Variants in ACAD9 observed in about 807,000 individuals in gnomAD.
ACAD9 encodes complex I assembly factor ACAD9, mitochondrial.
Under a neutral mutation model 70.2 loss-of-function variants are expected in ACAD9, and 53 were observed. The observed-to-expected ratio is 0.75, with a 90% CI of 0.61 to 0.95. The LOEUF is 0.95. Among genes scored for constraint, ACAD9 ranks in the 40% least tolerant of loss-of-function variants. The pLI, the probability that ACAD9 is intolerant of heterozygous loss-of-function variation, is 0.00. For synonymous variants in ACAD9, 313 were observed against 312.1 expected, an observed-to-expected ratio of 1.00 and a Z score of -0.03; for missense variants, 777 against 802.8, an observed-to-expected ratio of 0.97 and a Z score of 0.39.
intron 1 of ACAD9, among the ~76,000 whole-genome samples, chr3:128,883,082 T>C (rs1303433787): frequency 6.6e-6 from 1 of 151,610 alleles, no homozygotes; most frequent in Non-Finnish European, 1.5e-5. Flanking sequence ...TGTTTTTTTT[T>C]TTTTTTCTTG....
chr3:128,906,318 A>G (rs898137095), intron 12 of ACAD9, 69 bp downstream of exon 12: 14 of 1,567,970 alleles, frequency 8.9e-6, no homozygotes, highest in Admixed American at 5.1e-5. Flanking sequence ...GATGCTGCTC[A>G]GGGCCTCGCA....
At chr3:128,909,302 G>A (rs1197542217) in intron 14 of ACAD9, 42 bp from the exon 15 acceptor site, 8 of 1,610,154 alleles carry the variant, frequency 5.0e-6, no homozygotes, top group Non-Finnish European at 5.9e-6. Context: ...ACAGGGCACT[G>A]TAGGGATGAG....
At position 128,899,438 on chromosome 3, in the gene ACAD9, A is replaced by T; in HGVS notation, c.785A>T (p.Lys262Ile). 1 of 1,614,072 alleles carries T rather than the reference A, an allele frequency of 6.2e-7. No individual in the cohort carries two copies. The highest frequency in any genetic ancestry group is 8.5e-7 in the Non-Finnish European group (1 of 1,179,998). Residue 262 changes from lysine to isoleucine, a missense_variant, in exon 7 of 18, where the codon AAA (lysine) becomes ATA (isoleucine). Physicochemically the swap from Lys to Ile is moderately radical, Grantham distance 102 (BLOSUM62 -3). Transcript: ENST00000308982. Reference sequence around the variant, plus strand: ...GTCACTAATGGGAAACCCGAAGATAAATTAGGCATTCGGGGCTCCAACAGT... The same window carrying T: ...GTCACTAATGGGAAACCCGAAGATATATTAGGCATTCGGGGCTCCAACAGT... ...GGVTNGKPED[K>I]LGIRGSNTCE...
At chr3:128,897,472 A>G (rs1935599769) in intron 5 of ACAD9, among the ~76,000 whole-genome samples, 160 bp from the exon 6 acceptor site, 1 of 152,236 alleles carries the variant, frequency 6.6e-6, no homozygotes, top group Non-Finnish European at 1.5e-5. Context: ...GAGGTGAGAC[A>G]GACATCCTGC....
intron 2 of ACAD9, among the ~76,000 whole-genome samples, chr3:128,886,234 C>T (rs1214304239): frequency 6.6e-6 from 1 of 150,874 alleles, no homozygotes; most frequent in Non-Finnish European, 1.5e-5. Context: ...TCCCAAGTAT[C>T]TGGGACTGCA....
intron 11 of ACAD9, among the ~76,000 whole-genome samples, chr3:128,905,755 T>C (rs994355563): frequency 6.6e-6 from 1 of 152,178 alleles, no homozygotes; most frequent in African/African-American, 2.4e-5. Context: ...CATGGCAGTA[T>C]GTTTGCCCCC....
chr3:128,887,586 C>T (rs947745648), intron 2 of ACAD9, among the ~76,000 whole-genome samples: 3 of 145,156 alleles, frequency 2.1e-5, no homozygotes, highest in East Asian at 4.0e-4. Context: ...CCAGCCTGGG[C>T]GACAGGAGTG....
chr3:128,897,331 C>CG, intron 5 of ACAD9, among the ~76,000 whole-genome samples: 1 of 151,896 alleles, frequency 6.6e-6, no homozygotes. Context: ...ACAGGCATGC[C>CG]CCACCACACC....
chr3:128,895,170 C>A, intron 3 of ACAD9, 140 bp from the exon 4 acceptor site: 2 of 730,882 alleles, frequency 2.7e-6, no homozygotes, highest in Non-Finnish European at 4.8e-6. Context: ...AGCCACCATG[C>A]CCGGCCTGTA....
intron 7 of ACAD9, among the ~76,000 whole-genome samples, chr3:128,900,014 C>T (rs1413457864): frequency 6.6e-6 from 1 of 152,228 alleles, no homozygotes; most frequent in Admixed American, 6.5e-5. Context: ...TCACTGCAAC[C>T]TCTGCCTCCT....
intron 1 of ACAD9, among the ~76,000 whole-genome samples, chr3:128,881,026 G>A (rs1389782261): frequency 6.6e-6 from 1 of 152,240 alleles, no homozygotes; most frequent in Non-Finnish European, 1.5e-5. Context: ...GGCTGATCCT[G>A]TATCACAGAA....
chr3:128,898,335 GTTTT>G (rs369314116), intron 6 of ACAD9: 1 of 425,780 alleles, frequency 2.3e-6, no homozygotes. Flanking sequence ...AAAGACAGGA[GTTTT>G]TTTTGTTTGT....
Position 128,895,297 on chromosome 3 carries a change from C to T in ACAD9, c.347-13C>T. 1 of 1,599,456 alleles carries T rather than the reference C, an allele frequency of 6.3e-7. No homozygotes were observed. The highest frequency in any genetic ancestry group is 8.5e-7 in the Non-Finnish European group (1 of 1,170,080). On this transcript the variant is annotated splice_polypyrimidine_tract_variant and intron_variant, in intron 3 of 17. Transcript: ENST00000308982. ...GGGCTGGGCTGTGATTGACGCTGGT[C>T]CATCTCTCCTAGGTGGCCTGGGCTT...
At chr3:128,911,063 G>GTATT (rs1448295742) in intron 17 of ACAD9, among the ~76,000 whole-genome samples, 1 of 152,176 alleles carries the variant, frequency 6.6e-6, no homozygotes. Flanking sequence ...ATGTATGTAT[G>GTATT]TATTTATTTC....
chr3:128,895,396 C>G lies in ACAD9; in HGVS notation c.433C>G (p.His145Asp), dbSNP rs1559823546. 2 of 1,610,482 alleles carry G rather than the reference C, an allele frequency of 1.2e-6. No individual in the cohort carries two copies. Among genetic ancestry groups the G allele is most frequent in the Non-Finnish European group, 1.7e-6 (2 of 1,178,430 alleles). The change falls in exon 4 of 18, where the codon CAC becomes GAC. Residue 145 changes from histidine to aspartate, a missense_variant. His to Asp is a moderately conservative substitution (Grantham distance 81). Transcript: ENST00000308982. ...DGSITVTLAA[H>D]QAIGLKGIIL... ...GTCCATCACTGTGACCCTGGCAGCGCACCAGGCTATTGGCCTCAAGGTCAG... is the reference window on the plus strand; with the variant it reads ...GTCCATCACTGTGACCCTGGCAGCGGACCAGGCTATTGGCCTCAAGGTCAG...
chr3:128,901,410 C>T lies in ACAD9; in HGVS notation c.882+61C>T. 3.2e-6 allele frequency: 5 copies of T among 1,570,864 alleles called. No individual in the cohort carries two copies. The South Asian group carries it at 4.4e-5, about 14-fold the overall frequency. On this transcript the variant is annotated intron_variant, in intron 8 of 17. Coordinates refer to ENST00000308982, the MANE Select transcript of ACAD9 (RefSeq NM_014049.5). Reference sequence around the variant, plus strand: ...TGTCATGAGTGCAGTTTGTCGCCCCCAGCTTTTGCCCTATCCCTGCTCGTA... The same window carrying T: ...TGTCATGAGTGCAGTTTGTCGCCCCTAGCTTTTGCCCTATCCCTGCTCGTA...
intron 1 of ACAD9, 68 bp downstream of exon 1, chr3:128,879,909 T>A: frequency 6.2e-7 from 1 of 1,610,642 alleles, no homozygotes; most frequent in South Asian, 1.1e-5. Context: ...GCAAGACTGG[T>A]GTTGAACTTT....
At chr3:128,891,163 G>T (rs1036312063) in intron 2 of ACAD9, among the ~76,000 whole-genome samples, 7 of 152,008 alleles carry the variant, frequency 4.6e-5, no homozygotes, top group Non-Finnish European at 2.9e-5. Context: ...TAGGAAAAAA[G>T]GATCTTGTAG....
chr3:128,910,918 C>G (rs563061147), intron 17 of ACAD9, 105 bp downstream of exon 17: 1 of 1,343,998 alleles, frequency 7.4e-7, no homozygotes, highest in Non-Finnish European at 1.1e-6. Context: ...CTGCTAGCTA[C>G]TCACAGACCT....
Sources: gnomAD v4.1 joint callset for allele counts (sites outside exome capture counted in the v4.1 genomes callset) on GRCh38, gnomAD v4.1.1 for gene constraint, MANE v1.5 for transcripts, NCBI Gene and HGNC (gene_info 2026-07-23, HGNC 2026-07-21) for gene names.